The following SVOPL variants were observed in gnomAD, a reference collection of about 807,000 sequenced individuals.
SVOPL encodes SVOP like.
A neutral mutation model predicts 61.0 loss-of-function variants in SVOPL; 60 were observed. The observed-to-expected ratio is 0.98, with a 90% CI of 0.80 to 1.22. The LOEUF (loss-of-function observed/expected upper bound fraction) is 1.22, where lower values mean the gene tolerates loss of function less well. Ranked by LOEUF, SVOPL falls within the 50% of genes most tolerant of loss-of-function variation. The probability of loss-of-function intolerance (pLI) is 0.00; values close to 1 mark genes in which losing one functional copy is unlikely to be tolerated. For missense variants in SVOPL, 662 were observed against 643.9 expected (o/e 1.03, Z -0.30); for synonymous variants, 279 against 250.0 (o/e 1.12, Z -1.09).
At position 138,679,026 on chromosome 7, in the gene SVOPL, T is replaced by C. The variant is rs1420454234; in HGVS notation, c.20A>G (p.Glu7Gly). The part of the protein sequence containing the change: MATKPT[E>G]PVTILSLRKL... ...CCGAAGGCTGAGGATCGTGACAGGC[T>C]CTGTTGGCTTGGTTGCCATCTTCTA... Residue 7 changes from glutamate (E) to glycine (G), a missense_variant, in exon 2 of 16, where the codon GAG (glutamate) becomes GGG (glycine). Glu to Gly is a moderately conservative substitution (Grantham distance 98, BLOSUM62 -2). Transcript: ENST00000674285. The C allele has an allele frequency of 6.4e-7, 1 of 1,551,608 alleles. No individual in the cohort carries two copies. Among genetic ancestry groups the C allele is most frequent in the Non-Finnish European group, 8.7e-7 (1 of 1,146,948 alleles).
chr7:138,655,752 GT>G (rs1801699799), intron 7 of SVOPL, among the ~76,000 whole-genome samples: 2 of 150,418 alleles, frequency 1.3e-5, no homozygotes, highest in Admixed American at 6.7e-5. Flanking sequence ...ATTTATTACT[GT>G]AATATATATT....
At chr7:138,614,890 T>C (rs917624835) in intron 14 of SVOPL, among the ~76,000 whole-genome samples, 7 of 152,212 alleles carry the variant, frequency 4.6e-5, no homozygotes, top group African/African-American at 1.4e-4. Flanking sequence ...TGCTTTTCAA[T>C]GCTTTTTTTG....
At chr7:138,594,665 A>G in intron 15 of SVOPL, 44 bp from the exon 16 acceptor site, 1 of 1,467,566 alleles carries the variant, frequency 6.8e-7, no homozygotes, top group East Asian at 2.4e-5. Context: ...ACTTTTTAAA[A>G]GTCTTGTCCA....
chr7:138,684,763 T>C (rs1004658249), intron 1 of SVOPL, among the ~76,000 whole-genome samples: 1 of 152,204 alleles, frequency 6.6e-6, no homozygotes, highest in African/African-American at 2.4e-5. Flanking sequence ...TACTTCTGCA[T>C]ATATCCAAAT....
At chr7:138,652,921 C>G (rs1286792382) in intron 7 of SVOPL, among the ~76,000 whole-genome samples, 1 of 152,192 alleles carries the variant, frequency 6.6e-6, no homozygotes, top group Non-Finnish European at 1.5e-5. Context: ...CCACCGCTCC[C>G]AGCAGAAAAG....
intron 7 of SVOPL, among the ~76,000 whole-genome samples, chr7:138,653,472 G>T (rs529964556): frequency 6.6e-6 from 1 of 152,106 alleles, no homozygotes; most frequent in South Asian, 2.1e-4. Flanking sequence ...AATGATCATC[G>T]ACCATTCTGA....
In SVOPL at chr7:138,633,541, G is replaced by A. The variant is rs1198447464; in HGVS notation, c.790-3419C>T. 2.0e-5 allele frequency among the ~76,000 whole-genome samples: 3 copies of A among 151,952 alleles called. No individual in the cohort carries two copies. The East Asian group carries it at 5.8e-4, about 29-fold the overall frequency. ...CCTCACCAGAAGCCACGCAGATGCT[G>A]GTGCCGTGATTGTACAGTCTGCAGA... On this transcript the variant is annotated intron_variant, in intron 9 of 15. Transcript: ENST00000674285.
intron 9 of SVOPL, among the ~76,000 whole-genome samples, chr7:138,639,190 G>A (rs1024301856): frequency 2.0e-5 from 3 of 152,166 alleles, no homozygotes; most frequent in African/African-American, 7.2e-5. Flanking sequence ...AGGAGGCGAA[G>A]GTTGCAGTGA....
Position 138,678,487 on chromosome 7 carries a change from T to C in SVOPL, c.121A>G (p.Ile41Val), listed in dbSNP as rs1802626646. The part of the protein sequence containing the change: ...TFTVEDAVET[I>V]GFGRFHIALF... ...GCAATGTGGAAACGCCCGAAGCCGA[T>C]AGTCTCCACTGCATCTTCCACGGTG... Residue 41 changes from isoleucine to valine, a missense_variant, in exon 3 of 16, where the codon ATC (isoleucine) becomes GTC (valine). Transcript: ENST00000674285. The C allele has an allele frequency of 5.2e-6, 8 of 1,552,160 alleles. No homozygotes were observed. The highest frequency in any genetic ancestry group is 1.2e-5 in the South Asian group (1 of 84,060).
intron 4 of SVOPL, chr7:138,663,374 G>C: frequency 7.2e-7 from 1 of 1,396,148 alleles, no homozygotes. Flanking sequence ...AGGTGGAAAC[G>C]GGGTCCTCTG....
intron 4 of SVOPL, among the ~76,000 whole-genome samples, chr7:138,669,869 T>C (rs1327085316): frequency 6.6e-6 from 1 of 152,216 alleles, no homozygotes; most frequent in Non-Finnish European, 1.5e-5. Context: ...ATTTTTTTAG[T>C]AAACCTTTGG....
intron 14 of SVOPL, among the ~76,000 whole-genome samples, chr7:138,608,381 C>T (rs1798846833): frequency 6.6e-6 from 1 of 152,156 alleles, no homozygotes; most frequent in African/African-American, 2.4e-5. Context: ...GATCAATGGA[C>T]TAAAATAGCG....
chr7:138,660,530 G>A (rs771289903), intron 5 of SVOPL: 1 of 985,892 alleles, frequency 1.0e-6, no homozygotes. Flanking sequence ...GGCTATAAAT[G>A]TTCCAGTGGA....
chr7:138,611,772 T>G (rs1799016842), intron 14 of SVOPL, among the ~76,000 whole-genome samples: 1 of 20,612 alleles, frequency 4.9e-5, no homozygotes, highest in Non-Finnish European at 1.3e-4. Context: ...TCTATACCAT[T>G]ATGGTATGAC....
rs1799541501 is a variant in SVOPL, at chr7:138,621,049, G to A, written c.1350C>T (p.Ser450=). The A allele has an allele frequency of 1.2e-6, 2 of 1,613,378 alleles. No individual in the cohort carries two copies. ...CCTGCAGGGTCCTTGGCTGTACCTGGGATATAAATGGTGCCACCATTGCAC... is the reference window on the plus strand; with the variant it reads ...CCTGCAGGGTCCTTGGCTGTACCTGAGATATAAATGGTGCCACCATTGCAC... ...RIGAMVAPFI[S]QVLMSASILG... The change falls in exon 14 of 16, where the codon TCC becomes TCT. Residue 450 remains serine, a synonymous_variant. Transcript: ENST00000674285.
At chr7:138,621,772 A>G (rs1285393507) in intron 13 of SVOPL, among the ~76,000 whole-genome samples, 3 of 152,008 alleles carry the variant, frequency 2.0e-5, no homozygotes, top group Non-Finnish European at 4.4e-5. Flanking sequence ...CAGAATCTTA[A>G]CAGCATATTC....
At chr7:138,660,196 G>A in intron 5 of SVOPL, 16 of 1,322,464 alleles carry the variant, frequency 1.2e-5, no homozygotes, top group Admixed American at 6.6e-5. Flanking sequence ...ACCAAGTTCA[G>A]ACCATTCTTT....
chr7:138,607,976 A>G (rs577772877), intron 14 of SVOPL, among the ~76,000 whole-genome samples: 1 of 152,228 alleles, frequency 6.6e-6, no homozygotes, highest in Non-Finnish European at 1.5e-5. Flanking sequence ...TTGGAATGTT[A>G]AAATAGAAGT....
At chr7:138,622,074 C>CTATCTATCTATGTATCTATCTATCTATG (rs1563096100) in intron 13 of SVOPL, among the ~76,000 whole-genome samples, 15 of 24,654 alleles carry the variant, frequency 6.1e-4, no homozygotes, top group South Asian at 1.7e-3. Flanking sequence ...ATCTATGTAT[C>CTATCTATCTATGTATCTATCTATCTATG]TATCTATCTA....
Sources: allele counts gnomAD v4.1 joint callset (sites outside exome capture counted in the v4.1 genomes callset), GRCh38; gene constraint gnomAD v4.1.1; transcripts MANE v1.5; gene names NCBI Gene and HGNC (gene_info 2026-07-23, HGNC 2026-07-21).